The following LRRC20 variants were observed in gnomAD, a reference collection of about 807,000 sequenced individuals.
LRRC20 encodes the protein leucine rich repeat containing 20, also known as leucine-rich repeat-containing protein 20.
In LRRC20, 11 loss-of-function variants were observed where a neutral mutation model predicts 14.4. The ratio of observed to expected loss-of-function variants is 0.77; its 90% CI spans 0.48 to 1.27. The LOEUF (loss-of-function observed/expected upper bound fraction) is 1.27, where lower values mean the gene tolerates loss of function less well. Among genes scored for constraint, LRRC20 ranks in the 50% most tolerant of loss-of-function variants. The probability of loss-of-function intolerance (pLI) is 0.00; values close to 1 mark genes in which losing one functional copy is unlikely to be tolerated. For synonymous variants in LRRC20, 121 were observed against 107.3 expected (o/e 1.13, Z -0.79); for missense variants, 219 against 251.2 (o/e 0.87, Z 0.87).
At position 70,366,087 on chromosome 10, in the gene LRRC20, C is replaced by A. The variant is rs56822293; in HGVS notation, c.82+10365G>T. Among the ~76,000 whole-genome samples, 218 of 122,632 alleles carry A rather than the reference C, an allele frequency of 1.8e-3. 5 individuals carry two copies. The East Asian group carries it at 0.031, about 18-fold the overall frequency. The allele number at this position is 122,632 out of a possible 152,430, so 80.5% of individuals were successfully genotyped here. A position where few individuals can be genotyped will look rare whatever the true frequency, so the allele number is the denominator to read the frequency against. On this transcript the variant is annotated intron_variant, in intron 2 of 4. Transcript: ENST00000446961. ...TCCAGCTCAAAAAAAAAAAAAAAAA[C>A]AACAACAAAAAACGAATGGATAGCC...
At chr10:70,360,006 TC>T (rs1272419066) in intron 2 of LRRC20, among the ~76,000 whole-genome samples, 3 of 150,780 alleles carry the variant, frequency 2.0e-5, no homozygotes, top group Admixed American at 6.7e-5. Context: ...AACCTCTGCC[TC>T]CCAGGTTCAA....
At chr10:70,356,146 G>A (rs1428501659) in intron 2 of LRRC20, among the ~76,000 whole-genome samples, 1 of 152,156 alleles carries the variant, frequency 6.6e-6, no homozygotes, top group Non-Finnish European at 1.5e-5. Context: ...CTTGCTGTGG[G>A]ACCTCAGGCA....
intron 2 of LRRC20, among the ~76,000 whole-genome samples, chr10:70,374,427 TGCAACC>T (rs1844429155): frequency 1.3e-5 from 2 of 151,274 alleles, no homozygotes; most frequent in Non-Finnish European, 2.9e-5. Context: ...CTTGACTCAC[TGCAACC>T]TCCATCTCCT....
intron 2 of LRRC20, among the ~76,000 whole-genome samples, chr10:70,362,662 G>T (rs751523389): frequency 9.2e-5 from 14 of 152,232 alleles, no homozygotes; most frequent in Non-Finnish European, 1.9e-4. Context: ...TCCTGACAGA[G>T]CTGACTCCAC....
At position 70,309,949 on chromosome 10, in the gene LRRC20, G is replaced by A. The variant is rs181048811; in HGVS notation, c.401-8441C>T. On this transcript the variant is annotated intron_variant, in intron 4 of 4. Coordinates refer to ENST00000446961, the MANE Select transcript of LRRC20 (RefSeq NM_001278212.2). ...CGGGGTCTCGGCTTGCTGTTTCCAC[G>A]TCTGCCACAGAGCTGGCCTCTCCAG... Among the ~76,000 whole-genome samples, 278 of 152,350 alleles carry A rather than the reference G, an allele frequency of 1.8e-3. 1 individual carries two copies. The highest frequency in any genetic ancestry group is 2.9e-3 in the Non-Finnish European group (195 of 68,040).
rs187446278 is a variant in LRRC20 at position 70,376,218 on chromosome 10, A to C, written c.82+234T>G. Among the ~76,000 whole-genome samples, 111 of 152,304 alleles carry C rather than the reference A, an allele frequency of 7.3e-4. 3 individuals carry two copies. Among genetic ancestry groups the C allele is most frequent in the Admixed American group, 6.4e-3 (98 of 15,302 alleles). ...CACACACACTCAGTCATCAGCAGTC[A>C]AAGGACAAGCAGGCAGGCGCCATCA... is the stretch of plus-strand genomic sequence containing the variant. On this transcript the variant is annotated intron_variant, in intron 2 of 4. Coordinates refer to ENST00000446961, the MANE Select transcript of LRRC20 (RefSeq NM_001278212.2).
intron 2 of LRRC20, among the ~76,000 whole-genome samples, chr10:70,374,140 C>T (rs1844409879): frequency 6.6e-6 from 1 of 152,280 alleles, no homozygotes; most frequent in African/African-American, 2.4e-5. Flanking sequence ...CTGGGCAGGG[C>T]CTCTCCTCCA....
intron 2 of LRRC20, among the ~76,000 whole-genome samples, chr10:70,350,011 G>C (rs546793539): frequency 6.6e-6 from 1 of 152,320 alleles, no homozygotes; most frequent in South Asian, 2.1e-4. Context: ...GCAAAGGACT[G>C]TCACCCCTCT....
At chr10:70,305,363 G>C (rs925360892) in intron 4 of LRRC20, among the ~76,000 whole-genome samples, 1 of 151,978 alleles carries the variant, frequency 6.6e-6, no homozygotes, top group Non-Finnish European at 1.5e-5. Flanking sequence ...ATTCTTCTGG[G>C]TATATATGTG....
chr10:70,363,194 T>C (rs1294341749), intron 2 of LRRC20, among the ~76,000 whole-genome samples: 4 of 150,684 alleles, frequency 2.7e-5, no homozygotes, highest in Non-Finnish European at 4.4e-5. Flanking sequence ...AGGAGGATCA[T>C]TTTAGCCTAA....
At chr10:70,365,323 T>C (rs1309851475) in intron 2 of LRRC20, among the ~76,000 whole-genome samples, 1 of 152,098 alleles carries the variant, frequency 6.6e-6, no homozygotes, top group Non-Finnish European at 1.5e-5. Flanking sequence ...CTCCCAAAGT[T>C]CTGGGATTAC....
At chr10:70,358,258 T>C (rs1272785165) in intron 2 of LRRC20, among the ~76,000 whole-genome samples, 1 of 152,154 alleles carries the variant, frequency 6.6e-6, no homozygotes, top group Non-Finnish European at 1.5e-5. Flanking sequence ...CTCAAGGTTA[T>C]CTTCGGGTGT....
intron 3 of LRRC20, among the ~76,000 whole-genome samples, chr10:70,337,514 G>A (rs989792348): frequency 2.0e-5 from 3 of 152,236 alleles, no homozygotes; most frequent in African/African-American, 7.2e-5. Flanking sequence ...ACCAGAAGGT[G>A]CTACGTAAAT....
intron 2 of LRRC20, among the ~76,000 whole-genome samples, chr10:70,352,596 C>A (rs566933204): frequency 6.6e-6 from 1 of 152,136 alleles, no homozygotes; most frequent in Non-Finnish European, 1.5e-5. Flanking sequence ...GATGCACCAA[C>A]GTAGGTTCAC....
At chr10:70,358,315 G>A (rs796240306) in intron 2 of LRRC20, among the ~76,000 whole-genome samples, 7 of 152,332 alleles carry the variant, frequency 4.6e-5, no homozygotes, top group African/African-American at 1.7e-4. Context: ...GGCAGAGGGC[G>A]AGGGGGCAGC....
intron 1 of LRRC20, among the ~76,000 whole-genome samples, chr10:70,377,530 G>C (rs1460965117): frequency 6.6e-6 from 1 of 152,092 alleles, no homozygotes; most frequent in Admixed American, 6.6e-5. Flanking sequence ...TATAAAAATA[G>C]CAGCACCCCA....
intron 2 of LRRC20, among the ~76,000 whole-genome samples, chr10:70,346,210 C>T (rs1208220807): frequency 6.6e-6 from 1 of 151,972 alleles, no homozygotes; most frequent in African/African-American, 2.4e-5. Context: ...GCACTCCAGC[C>T]TAGGCGACAG....
intron 3 of LRRC20, among the ~76,000 whole-genome samples, chr10:70,334,418 C>A (rs886503021): frequency 6.6e-6 from 1 of 152,132 alleles, no homozygotes; most frequent in Non-Finnish European, 1.5e-5. Flanking sequence ...TTTCTGAGGA[C>A]GGTTCCCTTG....
chr10:70,362,393 G>A (rs1305716196), intron 2 of LRRC20, among the ~76,000 whole-genome samples: 1 of 152,244 alleles, frequency 6.6e-6, no homozygotes, highest in East Asian at 1.9e-4. Context: ...AATTTTGCAA[G>A]TGTCAGGTCA....
Sources: gnomAD v4.1 joint callset for allele counts (sites outside exome capture counted in the v4.1 genomes callset) on GRCh38, gnomAD v4.1.1 for gene constraint, MANE v1.5 for transcripts, NCBI Gene and HGNC (gene_info 2026-07-23, HGNC 2026-07-21) for gene names.